Variants in IL1RL1 observed in about 807,000 individuals in gnomAD.
IL1RL1 encodes interleukin-1 receptor-like 1.
Under a neutral mutation model 50.9 loss-of-function variants are expected in IL1RL1, and 32 were observed. That is an observed-to-expected ratio of 0.63 (90% CI 0.47 to 0.84). The LOEUF (loss-of-function observed/expected upper bound fraction) is 0.84. Among genes scored for constraint, IL1RL1 ranks in the 40% least tolerant of loss-of-function variants. The pLI is 0.00. For synonymous variants in IL1RL1, 275 were observed against 236.0 expected, an observed-to-expected ratio of 1.17 and a Z score of -1.51; for missense variants, 773 against 662.9, an observed-to-expected ratio of 1.17 and a Z score of -1.82.
intron 1 of IL1RL1, among the ~76,000 whole-genome samples, chr2:102,326,017 C>T (rs981618144): frequency 6.6e-6 from 1 of 152,110 alleles, no homozygotes; most frequent in Non-Finnish European, 1.5e-5. Flanking sequence ...CAAAGATACT[C>T]CTTGAGAAGA....
chr2:102,338,737 G>A (rs1007831452), intron 2 of IL1RL1, 100 bp from the exon 3 acceptor site: 27 of 863,590 alleles, frequency 3.1e-5, no homozygotes, highest in South Asian at 1.2e-4. Context: ...GTATATGACC[G>A]GCTTCTAAAT....
intron 10 of IL1RL1, among the ~76,000 whole-genome samples, chr2:102,350,197 G>A (rs1290412735): frequency 6.6e-6 from 1 of 152,344 alleles, no homozygotes; most frequent in South Asian, 2.1e-4. Context: ...GAAGTAATGA[G>A]TAATGCTCTC....
rs567928864 is a variant in IL1RL1 at position 102,341,132 on chromosome 2, T to A, written c.610+304T>A. The A allele has an allele frequency of 6.0e-6, 6 of 1,007,296 alleles. No homozygotes were observed. In the South Asian group the frequency reaches 1.9e-4, roughly 32 times the overall value. The allele number at this position is 1,007,296 out of a possible 1,614,324, so 62.4% of individuals were successfully genotyped here. On this transcript the variant is annotated intron_variant, in intron 5 of 10. Transcript: ENST00000233954. ...GAATGCTAACTTAACTTACTTTTTT[T>A]GAATGGCAATACAACTATTTGGAGA...
chr2:102,347,598 GCCT>G (rs1248933971), intron 8 of IL1RL1, among the ~76,000 whole-genome samples: 4 of 151,990 alleles, frequency 2.6e-5, no homozygotes, highest in African/African-American at 7.3e-5. Flanking sequence ...TCTTTCAGAG[GCCT>G]CCTCCTCCTC....
At chr2:102,352,317 C>T (rs77598713), downstream of IL1RL1, among the ~76,000 whole-genome samples, 10,665 of 142,452 alleles carry the variant, frequency 0.075, 518 homozygotes, top group Non-Finnish European at 0.099. Context: ...TTCTGATTCC[C>T]TCAGGCAGAA....
intron 1 of IL1RL1, among the ~76,000 whole-genome samples, chr2:102,316,939 A>G (rs1197599835): frequency 1.3e-5 from 2 of 152,232 alleles, no homozygotes; most frequent in African/African-American, 2.4e-5. Flanking sequence ...CTGAAATTGT[A>G]CAACTCGCTC....
At chr2:102,311,988 T>TTA (rs1559592197) in intron 1 of IL1RL1, among the ~76,000 whole-genome samples, 1 of 32,594 alleles carries the variant, frequency 3.1e-5, no homozygotes, top group Non-Finnish European at 4.7e-5. Context: ...ATAATATATA[T>TTA]TATATATAAT....
At chr2:102,343,862 T>A (rs1677682562) in intron 8 of IL1RL1, 1 of 1,003,532 alleles carries the variant, frequency 1.0e-6, no homozygotes, top group African/African-American at 1.7e-5. Context: ...TTAGCGAGGG[T>A]GGTAAAGTGA....
At chr2:102,335,383 TG>T (rs1236640704) in intron 1 of IL1RL1, among the ~76,000 whole-genome samples, 3 of 115,098 alleles carry the variant, frequency 2.6e-5, no homozygotes, top group Non-Finnish European at 4.1e-5. Flanking sequence ...TAGTTGACAT[TG>T]GGGGGAGAAA....
chr2:102,326,610 C>T (rs1057410095), intron 1 of IL1RL1, among the ~76,000 whole-genome samples: 2 of 152,142 alleles, frequency 1.3e-5, no homozygotes, highest in African/African-American at 4.8e-5. Context: ...GGAAACCCAT[C>T]TCACATGCCG....
At chr2:102,348,263 C>A (rs1476184478) in intron 9 of IL1RL1, among the ~76,000 whole-genome samples, 172 bp downstream of exon 9, 1 of 152,164 alleles carries the variant, frequency 6.6e-6, no homozygotes, top group Admixed American at 6.5e-5. Context: ...CATTTTCCAT[C>A]CTGCTATGTA....
chr2:102,351,695 T>C lies in IL1RL1; in HGVS notation c.1445T>C (p.Met482Thr), dbSNP rs762157287. ...QNDAKVILIE[M>T]EALSELDMLQ... Reference sequence around the variant, plus strand: ...GACGCCAAGGTGATACTTATTGAGATGGAGGCTCTGAGCGAGCTGGACATG... The same window carrying C: ...GACGCCAAGGTGATACTTATTGAGACGGAGGCTCTGAGCGAGCTGGACATG... Residue 482 changes from methionine to threonine, a missense_variant, in exon 11 of 11, where the codon ATG becomes ACG. Transcript: ENST00000233954. 1.8e-5 allele frequency: 29 copies of C among 1,614,096 alleles called. No homozygotes were observed. In the South Asian group the frequency reaches 3.1e-4, roughly 17 times the overall value.
At chr2:102,340,863 G>C (rs748442865) in intron 5 of IL1RL1, 35 bp downstream of exon 5, 1 of 1,501,576 alleles carries the variant, frequency 6.7e-7, no homozygotes, top group East Asian at 2.5e-5. Context: ...AGAATACTAC[G>C]TGAAAGAAGT....
In IL1RL1 at chr2:102,349,119, C is replaced by G. The variant is rs765093237; in HGVS notation, c.1158C>G (p.Asn386Lys). The G allele has an allele frequency of 5.6e-6, 9 of 1,613,534 alleles. No individual in the cohort carries two copies. The African/African-American group carries it at 1.2e-4, about 22-fold the overall frequency. The change falls in exon 10 of 11, where the codon AAC becomes AAG. Residue 386 changes from asparagine to lysine, a missense_variant. Transcript: ENST00000233954. The part of the protein sequence containing the change: ...LYDAYVVYPR[N>K]YKSSTDGASR... ...ATGCTTATGTTGTCTACCCACGGAA[C>G]TACAAATCCAGTACAGATGGGGCCA... is the stretch of plus-strand genomic sequence containing the variant.
intron 1 of IL1RL1, among the ~76,000 whole-genome samples, chr2:102,325,458 G>A (rs9750771): frequency 0.76 from 115,318 of 152,146 alleles, 44,577 homozygotes; most frequent in African/African-American, 0.87. Flanking sequence ...TCCTCCTCCA[G>A]AGGAACACAG....
intron 5 of IL1RL1, chr2:102,341,317 A>G: frequency 4.0e-6 from 5 of 1,242,370 alleles, no homozygotes; most frequent in Non-Finnish European, 5.2e-6. Context: ...GTGGTTTTTA[A>G]TCTTTGTTTG....
At chr2:102,340,029 G>A (rs937734869) in intron 3 of IL1RL1, 69 bp from the exon 4 acceptor site, 2 of 885,210 alleles carry the variant, frequency 2.3e-6, no homozygotes, top group African/African-American at 3.5e-5. Flanking sequence ...ATTAAGTAAA[G>A]GCTGAATTTA....
Position 102,338,318 on chromosome 2 carries a change from A to T in IL1RL1, c.54A>T (p.Ala18=). The change falls in exon 2 of 11, where the codon GCA becomes GCT. Residue 18 remains alanine, a synonymous_variant. Coordinates refer to ENST00000233954, the MANE Select transcript of IL1RL1 (RefSeq NM_016232.5). ...ILTILMYSTA[A]KFSKQSWGLE... ...CAATTCTCATGTATTCCACAGCAGC[A>T]AAGTTTAGTAAGTATTGCCTTCTAA... is the stretch of plus-strand genomic sequence containing the variant. The T allele has an allele frequency of 1.3e-6, 2 of 1,580,152 alleles. No homozygotes were observed. Among genetic ancestry groups the T allele is most frequent in the Non-Finnish European group, 1.7e-6 (2 of 1,151,768 alleles).
rs200327718 is a variant in IL1RL1, at chr2:102,342,990, G to T, written c.683-46G>T. Reference sequence around the variant, plus strand: ...TTACATTAAATGGGATAAAATGCCAGTCGCAGAAGTTAATTTTATTGGTGA... The same window carrying T: ...TTACATTAAATGGGATAAAATGCCATTCGCAGAAGTTAATTTTATTGGTGA... On this transcript the variant is annotated intron_variant, in intron 6 of 10. Coordinates refer to ENST00000233954, the MANE Select transcript of IL1RL1 (RefSeq NM_016232.5). 8 of 1,581,686 alleles carry T rather than the reference G, an allele frequency of 5.1e-6. No individual in the cohort carries two copies. In the South Asian group the frequency reaches 9.2e-5, roughly 18 times the overall value.
Sources: allele counts gnomAD v4.1 joint callset (sites outside exome capture counted in the v4.1 genomes callset), GRCh38; gene constraint gnomAD v4.1.1; transcripts MANE v1.5; gene names NCBI Gene and HGNC (gene_info 2026-07-23, HGNC 2026-07-21).